OSBPL10: variants seen among roughly 807,000 people sequenced by gnomAD.
The protein encoded by OSBPL10 is oxysterol-binding protein-related protein 10.
Under a neutral mutation model 81.7 loss-of-function variants are expected in OSBPL10, and 49 were observed. The ratio of observed to expected loss-of-function variants is 0.60; its 90% CI spans 0.48 to 0.76. The LOEUF (loss-of-function observed/expected upper bound fraction) is 0.76. Among genes scored for constraint, OSBPL10 ranks in the 30% least tolerant of loss-of-function variants. The pLI is 0.00. For missense variants in OSBPL10, 923 were observed against 987.8 expected (o/e 0.93, Z 0.88); for synonymous variants, 419 against 383.6 (o/e 1.09, Z -1.08).
chr3:31,729,170 G>A (rs1696891884), intron 6 of OSBPL10, among the ~76,000 whole-genome samples: 1 of 152,160 alleles, frequency 6.6e-6, no homozygotes, highest in Non-Finnish European at 1.5e-5. Context: ...AACAGTTAAG[G>A]TTTTGTTGCT....
intron 4 of OSBPL10, among the ~76,000 whole-genome samples, chr3:31,783,902 CATT>C (rs983819673): frequency 2.0e-5 from 2 of 99,814 alleles, no homozygotes; most frequent in African/African-American, 7.2e-5. Context: ...TTTCTAAAAA[CATT>C]ATAAACAAGA....
chr3:31,890,088 C>T (rs1695851602), intron 1 of OSBPL10, among the ~76,000 whole-genome samples: 1 of 151,588 alleles, frequency 6.6e-6, no homozygotes, highest in South Asian at 2.1e-4. Flanking sequence ...ATGTGAATTT[C>T]AAGAAGTTTT....
chr3:31,868,796 AC>A (rs1276243210), intron 3 of OSBPL10, among the ~76,000 whole-genome samples: 2 of 152,184 alleles, frequency 1.3e-5, no homozygotes, highest in African/African-American at 2.4e-5. Context: ...TGTTCTTTTT[AC>A]CCTACTTTTC....
intron 1 of OSBPL10, chr3:31,906,933 T>C (rs917612614): frequency 1.3e-5 from 2 of 152,232 alleles, no homozygotes; most frequent in Non-Finnish European, 2.9e-5. Flanking sequence ...GAAGGTTTTA[T>C]GTTAAGAGAA....
At chr3:31,850,299 A>C (rs974307028) in intron 3 of OSBPL10, among the ~76,000 whole-genome samples, 17 of 152,146 alleles carry the variant, frequency 1.1e-4, no homozygotes, top group African/African-American at 3.9e-4. Flanking sequence ...ATACCACTGC[A>C]CTCCAGCCCA....
At chr3:31,953,083 C>T (rs1043528889) in intron 1 of OSBPL10, among the ~76,000 whole-genome samples, 2 of 151,894 alleles carry the variant, frequency 1.3e-5, no homozygotes, top group Non-Finnish European at 2.9e-5. Context: ...AGGCGCCCAC[C>T]ACCATGCCTG....
At chr3:31,898,614 A>G (rs1696134242) in intron 1 of OSBPL10, among the ~76,000 whole-genome samples, 1 of 151,872 alleles carries the variant, frequency 6.6e-6, no homozygotes, top group Non-Finnish European at 1.5e-5. Context: ...AAAGAATAAG[A>G]ATGAAATAAA....
intron 6 of OSBPL10, among the ~76,000 whole-genome samples, chr3:31,705,581 CT>C (rs1696037739): frequency 1.3e-5 from 2 of 152,214 alleles, no homozygotes. Context: ...GACACAAAAC[CT>C]CCTTCCCTTT....
chr3:31,734,745 G>C (rs1697098224), intron 5 of OSBPL10, among the ~76,000 whole-genome samples: 1 of 151,942 alleles, frequency 6.6e-6, no homozygotes, highest in African/African-American at 2.4e-5. Context: ...CTCCAAAAAA[G>C]CTAATAAAAA....
intron 7 of OSBPL10, among the ~76,000 whole-genome samples, chr3:31,694,786 C>G (rs189598633): frequency 1.3e-5 from 2 of 152,240 alleles, no homozygotes; most frequent in Admixed American, 6.5e-5. Flanking sequence ...CGGACTTTCA[C>G]TCTTGTTGCC....
At chr3:31,857,842 GA>G (rs1231914485) in intron 3 of OSBPL10, among the ~76,000 whole-genome samples, 1 of 131,422 alleles carries the variant, frequency 7.6e-6, no homozygotes, top group Non-Finnish European at 1.6e-5. Flanking sequence ...GAGAGGGAAA[GA>G]GGGAGGGAAA....
At chr3:31,806,421 G>A (rs113008764) in intron 4 of OSBPL10, among the ~76,000 whole-genome samples, 1,885 of 152,330 alleles carry the variant, frequency 0.012, 43 homozygotes, top group African/African-American at 0.043. Context: ...AACGATAAAA[G>A]TCTAGATGGC....
chr3:31,930,967 T>C (rs1283586497), intron 1 of OSBPL10, among the ~76,000 whole-genome samples: 1 of 114,128 alleles, frequency 8.8e-6, no homozygotes, highest in East Asian at 2.5e-4. Context: ...TGAGCCGAGA[T>C]CCCCCCCACT....
intron 1 of OSBPL10, among the ~76,000 whole-genome samples, chr3:31,899,039 G>A (rs1237533076): frequency 7.8e-6 from 1 of 128,312 alleles, no homozygotes; most frequent in Non-Finnish European, 1.6e-5. Flanking sequence ...TTGGCTCACT[G>A]CAACCTCTGC....
intron 6 of OSBPL10, chr3:31,710,738 G>T (rs543049093): frequency 4.6e-5 from 7 of 152,322 alleles, no homozygotes; most frequent in Admixed American, 2.6e-4. Flanking sequence ...ATCCAAACCT[G>T]CCATCCACAG....
chr3:31,842,948 T>A (rs1700536285), intron 3 of OSBPL10, among the ~76,000 whole-genome samples: 1 of 152,216 alleles, frequency 6.6e-6, no homozygotes, highest in Non-Finnish European at 1.5e-5. Context: ...GATTTAGGTT[T>A]AGATACAGGA....
rs546286382 is a variant in OSBPL10, at chr3:31,819,963, G to T, written c.729+10077C>A. Among the ~76,000 whole-genome samples, 4 of 152,222 alleles carry T rather than the reference G, an allele frequency of 2.6e-5. No individual in the cohort carries two copies. The South Asian group carries it at 8.3e-4, about 32-fold the overall frequency. ...TTCTGTGTCTGCTCCATGGATCCTG[G>T]ACCTGCCTGAATAGCCCCCACAATC... is the stretch of plus-strand genomic sequence containing the variant. On this transcript the variant is annotated intron_variant, in intron 4 of 11. Coordinates refer to ENST00000396556, the MANE Select transcript of OSBPL10 (RefSeq NM_017784.5).
intron 6 of OSBPL10, among the ~76,000 whole-genome samples, chr3:31,729,646 C>A (rs989957700): frequency 3.9e-5 from 6 of 152,118 alleles, no homozygotes; most frequent in Non-Finnish European, 7.4e-5. Context: ...GTCTCAAACT[C>A]CTGACCTCAT....
At chr3:31,968,169 C>T (rs570425112) in intron 1 of OSBPL10, among the ~76,000 whole-genome samples, 13 of 151,852 alleles carry the variant, frequency 8.6e-5, no homozygotes, top group African/African-American at 3.1e-4. Flanking sequence ...TACTTCAGTG[C>T]GTAAATGTTA....
Sources: allele counts gnomAD v4.1 joint callset (sites outside exome capture counted in the v4.1 genomes callset), GRCh38; gene constraint gnomAD v4.1.1; transcripts MANE v1.5; gene names NCBI Gene and HGNC (gene_info 2026-07-23, HGNC 2026-07-21).